The following VAMP7 variants were observed in gnomAD, a reference collection of about 807,000 sequenced individuals.
VAMP7 encodes the protein vesicle associated membrane protein 7.
In VAMP7, 14 loss-of-function variants were observed where a neutral mutation model predicts 29.6. The observed-to-expected ratio is 0.47, with a 90% confidence interval of 0.31 to 0.74. The LOEUF is 0.74. VAMP7 is among the 30% of genes least tolerant of loss of function. VAMP7 has a pLI of 0.05. For missense variants in VAMP7, 223 were observed against 262.4 expected, an observed-to-expected ratio of 0.85 and a Z score of 1.04; for synonymous variants, 95 against 88.1, an observed-to-expected ratio of 1.08 and a Z score of -0.44.
chrX:155,920,901 G>A (rs2066386238), intron 6 of VAMP7, among the ~76,000 whole-genome samples: 1 of 152,276 alleles, frequency 6.6e-6, no homozygotes, highest in African/African-American at 2.4e-5. Flanking sequence ...TTTTCTAGGA[G>A]TTTATAAACA....
intron 6 of VAMP7, among the ~76,000 whole-genome samples, chrX:155,931,051 T>C (rs1444818936): frequency 1.3e-5 from 2 of 152,206 alleles, no homozygotes; most frequent in African/African-American, 2.4e-5. Context: ...CATCCTTTTT[T>C]ACGGCTGCGT....
chrX:155,927,116 TG>T (rs2066478727), intron 6 of VAMP7, among the ~76,000 whole-genome samples: 1 of 151,896 alleles, frequency 6.6e-6, no homozygotes, highest in Non-Finnish European at 1.5e-5. Context: ...GACCACATGC[TG>T]TTAGAAAAAT....
intron 6 of VAMP7, among the ~76,000 whole-genome samples, chrX:155,931,449 C>A (rs2066553365): frequency 6.6e-6 from 1 of 152,180 alleles, no homozygotes; most frequent in African/African-American, 2.4e-5. Context: ...ATTTGCATTT[C>A]TCTGATGGCC....
intron 2 of VAMP7, among the ~76,000 whole-genome samples, chrX:155,894,297 C>CTTTT (rs1174661071): frequency 7.4e-6 from 1 of 135,100 alleles, no homozygotes; most frequent in African/African-American, 2.8e-5. Flanking sequence ...CCAATGTGTC[C>CTTTT]TTTGTTTTTT....
intron 2 of VAMP7, among the ~76,000 whole-genome samples, chrX:155,890,419 G>A (rs1332977228): frequency 6.6e-6 from 1 of 152,044 alleles, no homozygotes; most frequent in Non-Finnish European, 1.5e-5. Flanking sequence ...GGAGTGCAGT[G>A]GTGCGATCTT....
chrX:155,882,774 C>A (rs777263045), intron 1 of VAMP7, among the ~76,000 whole-genome samples: 17 of 152,242 alleles, frequency 1.1e-4, no homozygotes, highest in African/African-American at 4.1e-4. Flanking sequence ...AAAATATGCT[C>A]AATGTTCACT....
At chrX:155,897,002 T>C (rs997506757) in intron 3 of VAMP7, among the ~76,000 whole-genome samples, 9 of 151,902 alleles carry the variant, frequency 5.9e-5, no homozygotes, top group African/African-American at 2.2e-4. Flanking sequence ...GATGTAGTAA[T>C]ATATATGCTT....
intron 1 of VAMP7, among the ~76,000 whole-genome samples, chrX:155,885,539 C>T (rs2065854893): frequency 2.6e-5 from 4 of 152,110 alleles, no homozygotes; most frequent in Non-Finnish European, 5.9e-5. Context: ...CCCGTGGTAC[C>T]TGTGAATGGG....
intron 5 of VAMP7, among the ~76,000 whole-genome samples, chrX:155,913,323 G>T (rs1183482087): frequency 1.3e-5 from 2 of 151,986 alleles, no homozygotes; most frequent in African/African-American, 4.8e-5. Context: ...TCTGTAGGTT[G>T]CCTGTTCACT....
intron 3 of VAMP7, 112 bp downstream of exon 3, chrX:155,895,792 TC>T: frequency 1.2e-6 from 1 of 803,598 alleles, no homozygotes; most frequent in Non-Finnish European, 2.0e-6. Context: ...CCGGTACAGG[TC>T]TGTGGCTTGT....
intron 6 of VAMP7, among the ~76,000 whole-genome samples, chrX:155,920,678 G>T (rs2066382329): frequency 6.6e-6 from 1 of 152,140 alleles, no homozygotes; most frequent in African/African-American, 2.4e-5. Flanking sequence ...TTAGGCAAAT[G>T]ACTTAACCTC....
In VAMP7 at chrX:155,890,140, G is replaced by A. The variant is rs185882314; in HGVS notation, c.146+528G>A. ...AAGGAACAGCAGGTAGAGAAGTATG[G>A]AGGCATGAGATCATAGGGCGGGCAT... On this transcript the variant is annotated intron_variant, in intron 2 of 7. Transcript: ENST00000286448. Among the ~76,000 whole-genome samples, 411 of 152,060 alleles carry A rather than the reference G, an allele frequency of 2.7e-3. 1 individual carries two copies. Among genetic ancestry groups the A allele is most frequent in the Non-Finnish European group, 4.5e-3 (307 of 68,010 alleles).
intron 5 of VAMP7, among the ~76,000 whole-genome samples, chrX:155,912,511 GC>G (rs1310904202): frequency 2.0e-5 from 3 of 149,530 alleles, no homozygotes; most frequent in Non-Finnish European, 3.0e-5. Context: ...TTCTCCCCTA[GC>G]CCCCCTACCC....
chrX:155,940,105 AAATT>A (rs2066722311), intron 7 of VAMP7, among the ~76,000 whole-genome samples: 5 of 152,252 alleles, frequency 3.3e-5, no homozygotes, highest in South Asian at 4.2e-4. Context: ...TTTTATTTTT[AAATT>A]AATTATGTAT....
intron 5 of VAMP7, among the ~76,000 whole-genome samples, chrX:155,916,564 C>G (rs1280198332): frequency 6.6e-6 from 1 of 152,164 alleles, no homozygotes; most frequent in East Asian, 1.9e-4. Flanking sequence ...GTGACAAAAT[C>G]TCTCAGCATT....
chrX:155,921,836 C>T (rs1011463915), intron 6 of VAMP7, among the ~76,000 whole-genome samples: 2 of 151,892 alleles, frequency 1.3e-5, no homozygotes, highest in African/African-American at 4.8e-5. Context: ...GCTTGTTTTC[C>T]ATCTCTTGAC....
intron 3 of VAMP7, among the ~76,000 whole-genome samples, chrX:155,897,493 G>A (rs1310659310): frequency 1.3e-5 from 2 of 152,158 alleles, no homozygotes; most frequent in African/African-American, 4.8e-5. Flanking sequence ...GGGATAGTTA[G>A]AGTCGAGCCT....
At chrX:155,912,100 G>A (rs1016454464) in intron 5 of VAMP7, among the ~76,000 whole-genome samples, 2 of 152,082 alleles carry the variant, frequency 1.3e-5, no homozygotes, top group Non-Finnish European at 1.5e-5. Flanking sequence ...TTCCCATTCC[G>A]TATGATGTTA....
intron 5 of VAMP7, among the ~76,000 whole-genome samples, chrX:155,901,228 A>C (rs1445820583): frequency 6.6e-6 from 1 of 152,076 alleles, no homozygotes; most frequent in Non-Finnish European, 1.5e-5. Context: ...AAAATGCGCA[A>C]ACGTTTTCGT....
Sources: allele counts gnomAD v4.1 joint callset (sites outside exome capture counted in the v4.1 genomes callset), GRCh38; gene constraint gnomAD v4.1.1; transcripts MANE v1.5; gene names NCBI Gene and HGNC (gene_info 2026-07-23, HGNC 2026-07-21).